Variants in DEPDC5 observed in about 807,000 individuals in gnomAD.
DEPDC5 encodes the protein GATOR1 complex protein DEPDC5.
In DEPDC5, 73 loss-of-function variants were observed where a neutral mutation model predicts 217.3. That is an observed-to-expected ratio of 0.34 (90% CI 0.28 to 0.41). The LOEUF (loss-of-function observed/expected upper bound fraction) is 0.41, where lower values mean the gene tolerates loss of function less well. Among genes scored for constraint, DEPDC5 ranks in the 10% least tolerant of loss-of-function variants. The pLI is 1.00. For synonymous variants in DEPDC5, 733 were observed against 756.7 expected (o/e 0.97, Z 0.51); for missense variants, 1,675 against 2,070.1 (o/e 0.81, Z 3.70).
At chr22:31,874,202 C>T (rs2092929262) in intron 35 of DEPDC5, 71 bp from the exon 36 acceptor site, 1 of 1,533,882 alleles carries the variant, frequency 6.5e-7, no homozygotes, top group Admixed American at 2.0e-5. Flanking sequence ...CCTTCTTTTT[C>T]ATCTTTCCTT....
At chr22:31,845,970 T>C (rs904622319) in intron 30 of DEPDC5, among the ~76,000 whole-genome samples, 10 of 152,002 alleles carry the variant, frequency 6.6e-5, no homozygotes, top group Middle Eastern at 3.4e-3. Flanking sequence ...GGCTTCCAAG[T>C]AGCTGGGACT....
At chr22:31,781,367 T>A (rs990667386) in intron 8 of DEPDC5, among the ~76,000 whole-genome samples, 1 of 152,196 alleles carries the variant, frequency 6.6e-6, no homozygotes. Flanking sequence ...GCAGTCCTTT[T>A]CAGTATCTGG....
intron 36 of DEPDC5, among the ~76,000 whole-genome samples, chr22:31,874,632 T>C (rs1012902117): frequency 1.3e-4 from 20 of 152,164 alleles, no homozygotes; most frequent in African/African-American, 4.6e-4. Flanking sequence ...TGAACTGAAA[T>C]GTTTTGGACA....
Position 31,879,097 on chromosome 22 carries a change from C to CATATATATACATATATATACACAT in DEPDC5, c.3806-409_3806-386dup, listed in dbSNP as rs1293334884. Among the ~76,000 whole-genome samples, 1,121 of 128,792 alleles carry CATATATATACATATATATACACAT rather than the reference C, an allele frequency of 8.7e-3. 14 individuals carry two copies. Among genetic ancestry groups the CATATATATACATATATATACACAT allele is most frequent in the African/African-American group, 0.035 (1,015 of 28,860 alleles). The allele number at this position is 128,792 out of a possible 152,430, so 84.5% of individuals were successfully genotyped here. Reference sequence around the variant, plus strand: ...ACACACACACGTATATATATATACACATATATATACATATATATACACATA... The same window carrying CATATATATACATATATATACACAT: ...ACACACACACGTATATATATATACACATATATATACATATATATACACATATATATATACATATATATACACATA... On this transcript the variant is annotated intron_variant, in intron 37 of 42. Transcript: ENST00000651528.
In DEPDC5 at chr22:31,758,625, T is replaced by A. The variant is rs535630975; in HGVS notation, c.138T>A (p.Asp46Glu). The change falls in exon 3 of 43, where the codon GAT becomes GAA. Residue 46 changes from aspartate to glutamate, a missense_variant. Around this residue, in one of 11 missense-constraint regions of DEPDC5, gnomAD observed 628 missense variants for 762.1 expected, o/e 0.82. Coordinates refer to ENST00000651528, the MANE Select transcript of DEPDC5 (RefSeq NM_001242896.3). ...GDIVEIAHPNDEYSPLLLQVK... is the reference protein window; with the variant it reads ...GDIVEIAHPNEEYSPLLLQVK... ...TTGTAGAGATTGCACACCCCAACGA[T>A]GAATACAGGTGAGTGTCTCATAGGA... 92 of 1,613,974 alleles carry A rather than the reference T, an allele frequency of 5.7e-5. 1 individual carries two copies. The South Asian group carries it at 9.0e-4, about 16-fold the overall frequency.
rs749901109 is a variant in DEPDC5 at position 31,847,011 on chromosome 22, C to G, written c.3155+44C>G. ...ACTGACTTGTCCCCACCTTGACAGC[C>G]CTGAGGGTTTTCAGTGCCCTGTTCC... On this transcript the variant is annotated intron_variant, in intron 31 of 42. Coordinates refer to ENST00000651528, the MANE Select transcript of DEPDC5 (RefSeq NM_001242896.3). The G allele has an allele frequency of 5.0e-6, 8 of 1,613,262 alleles. No individual in the cohort carries two copies. In the South Asian group the frequency reaches 7.7e-5, roughly 16 times the overall value.
chr22:31,821,130 A>G (rs1221737810), intron 22 of DEPDC5, among the ~76,000 whole-genome samples: 1 of 152,178 alleles, frequency 6.6e-6, no homozygotes, highest in Non-Finnish European at 1.5e-5. Flanking sequence ...TTACTCTCCT[A>G]GGTATTAACA....
chr22:31,800,637 A>C (rs1464927861), intron 14 of DEPDC5, among the ~76,000 whole-genome samples: 1 of 152,164 alleles, frequency 6.6e-6, no homozygotes, highest in Non-Finnish European at 1.5e-5. Context: ...TTAAAAAATA[A>C]GAATTAAAAT....
intron 30 of DEPDC5, among the ~76,000 whole-genome samples, chr22:31,845,745 T>C (rs2091691104): frequency 6.6e-6 from 1 of 151,564 alleles, no homozygotes; most frequent in Non-Finnish European, 1.5e-5. Flanking sequence ...ATAGTATAAT[T>C]GACGTGTGTG....
At chr22:31,875,379 A>C (rs1201700910) in intron 36 of DEPDC5, 6 of 156,628 alleles carry the variant, frequency 3.8e-5, no homozygotes, top group African/African-American at 1.4e-4. Flanking sequence ...CAACTTATAA[A>C]ATGATATAAT....
chr22:31,765,633 CT>C (rs2082745815), intron 5 of DEPDC5, among the ~76,000 whole-genome samples: 1 of 152,170 alleles, frequency 6.6e-6, no homozygotes, highest in Admixed American at 6.6e-5. Context: ...TTGTATATGC[CT>C]GTAGTTCCAA....
At chr22:31,860,075 G>GT (rs2092455576) in intron 32 of DEPDC5, among the ~76,000 whole-genome samples, 2 of 152,296 alleles carry the variant, frequency 1.3e-5, no homozygotes, top group South Asian at 4.1e-4. Context: ...TTAGATTGCT[G>GT]TTTAGAACCC....
In DEPDC5 at chr22:31,821,656, C is replaced by T. The variant is rs374780637; in HGVS notation, c.2006+19C>T. 1 of 1,605,724 alleles carries T rather than the reference C, an allele frequency of 6.2e-7. No homozygotes were observed. The highest frequency in any genetic ancestry group is 8.5e-7 in the Non-Finnish European group (1 of 1,173,040). On this transcript the variant is annotated intron_variant, in intron 23 of 42. Coordinates refer to ENST00000651528, the MANE Select transcript of DEPDC5 (RefSeq NM_001242896.3). ...CTGGAAGGTGAGGATGTGCACAGGG[C>T]TCTGGAAGGTAACCTGAGAACACTC...
At chr22:31,790,002 T>C (rs1236348315) in intron 10 of DEPDC5, among the ~76,000 whole-genome samples, 4 of 152,190 alleles carry the variant, frequency 2.6e-5, no homozygotes, top group African/African-American at 4.8e-5. Flanking sequence ...ACATCACTTA[T>C]GAGTTGAGAC....
chr22:31,789,280 A>G (rs557320840), intron 10 of DEPDC5, among the ~76,000 whole-genome samples: 8 of 152,396 alleles, frequency 5.2e-5, no homozygotes, highest in African/African-American at 1.7e-4. Flanking sequence ...ATGTATATCC[A>G]TACAATGTAG....
At chr22:31,838,326 TC>T (rs2148964793) in intron 26 of DEPDC5, among the ~76,000 whole-genome samples, 1 of 152,130 alleles carries the variant, frequency 6.6e-6, no homozygotes, top group African/African-American at 2.4e-5. Context: ...TATACTGTCA[TC>T]CAGGCTGAAG....
chr22:31,804,733 C>T (rs1199564338), intron 16 of DEPDC5, 109 bp from the exon 17 acceptor site: 2 of 1,096,854 alleles, frequency 1.8e-6, no homozygotes, highest in East Asian at 2.5e-5. Flanking sequence ...ACCCACAGCG[C>T]CCAGCCCTAA....
intron 7 of DEPDC5, among the ~76,000 whole-genome samples, chr22:31,774,204 CTT>C (rs199567632): frequency 2.9e-4 from 42 of 142,396 alleles, no homozygotes; most frequent in African/African-American, 3.1e-4. Flanking sequence ...CACATTGTAA[CTT>C]TTTTTTTTTT....
chr22:31,896,922 A>G (rs761806456), intron 39 of DEPDC5, among the ~76,000 whole-genome samples: 36 of 152,184 alleles, frequency 2.4e-4, no homozygotes, highest in Admixed American at 7.2e-4. Context: ...GTTCGAGACC[A>G]TACTGGCCAA....
Sources: allele counts gnomAD v4.1 joint callset (sites outside exome capture counted in the v4.1 genomes callset), GRCh38; gene constraint gnomAD v4.1.1; regional missense constraint gnomAD v4.1.1; transcripts MANE v1.5; gene names NCBI Gene and HGNC (gene_info 2026-07-23, HGNC 2026-07-21).